Variants in SLC10A7 observed in about 807,000 individuals in gnomAD.
SLC10A7 encodes the protein solute carrier family 10 member 7.
SLC10A7 carries 29 observed loss-of-function variants against 43.2 expected under a neutral mutation model. The ratio of observed to expected loss-of-function variants is 0.67; its 90% confidence interval spans 0.50 to 0.92. The LOEUF is 0.92. SLC10A7 is among the 40% of genes least tolerant of loss of function. The probability of loss-of-function intolerance (pLI) is 0.00; values close to 1 mark genes in which losing one functional copy is unlikely to be tolerated. For synonymous variants in SLC10A7, 152 were observed against 144.8 expected, an observed-to-expected ratio of 1.05 and a Z score of -0.35; for missense variants, 295 against 403.2, an observed-to-expected ratio of 0.73 and a Z score of 2.30.
Position 146,510,059 on chromosome 4 carries a change from T to C in SLC10A7, c.184-10A>G. On this transcript the variant is annotated splice_polypyrimidine_tract_variant and intron_variant, in intron 2 of 11. Coordinates refer to ENST00000335472, the MANE Select transcript of SLC10A7 (RefSeq NM_001029998.6). ...AAGCACTGGTCAGCTCCTGGAAAAA[T>C]TAAGGAAACAAAATAAACAAAGGTA... 8.8e-6 allele frequency: 14 copies of C among 1,587,816 alleles called. No individual in the cohort carries two copies. Among genetic ancestry groups the C allele is most frequent in the Non-Finnish European group, 1.2e-5 (14 of 1,171,172 alleles).
chr4:146,261,312 G>A (rs1342752068), intron 10 of SLC10A7, among the ~76,000 whole-genome samples: 1 of 152,202 alleles, frequency 6.6e-6, no homozygotes, highest in Non-Finnish European at 1.5e-5. Context: ...TCATGCCCCT[G>A]AGGGCCACAG....
chr4:146,391,765 C>G (rs1738448729), intron 5 of SLC10A7, among the ~76,000 whole-genome samples: 1 of 152,212 alleles, frequency 6.6e-6, no homozygotes, highest in South Asian at 2.1e-4. Context: ...GTATACTGCA[C>G]TGAGAAGGCT....
intron 11 of SLC10A7, among the ~76,000 whole-genome samples, chr4:146,258,054 G>A (rs1727988955): frequency 6.6e-6 from 1 of 152,186 alleles, no homozygotes; most frequent in Admixed American, 6.5e-5. Context: ...GCTACCACGT[G>A]ATATGCACCA....
At chr4:146,263,175 T>C (rs1456226504) in intron 10 of SLC10A7, among the ~76,000 whole-genome samples, 2 of 152,250 alleles carry the variant, frequency 1.3e-5, no homozygotes, top group African/African-American at 2.4e-5. Context: ...AGTTCTTAGG[T>C]TGCCTCCTCT....
At chr4:146,488,578 T>C (rs1735115490) in intron 4 of SLC10A7, among the ~76,000 whole-genome samples, 1 of 152,230 alleles carries the variant, frequency 6.6e-6, no homozygotes. Context: ...AAAAATGCAC[T>C]ATTAGCCCTT....
At chr4:146,445,012 T>A (rs1730917908) in intron 4 of SLC10A7, among the ~76,000 whole-genome samples, 1 of 152,124 alleles carries the variant, frequency 6.6e-6, no homozygotes, top group Non-Finnish European at 1.5e-5. Context: ...CATGCATGTA[T>A]CTTGACTTAG....
At chr4:146,432,946 G>A (rs989179355) in intron 5 of SLC10A7, among the ~76,000 whole-genome samples, 2 of 151,364 alleles carry the variant, frequency 1.3e-5, no homozygotes, top group African/African-American at 2.4e-5. Context: ...GCTGAGGCAG[G>A]AGAATAGCGT....
chr4:146,467,831 G>A (rs1467113121), intron 4 of SLC10A7, among the ~76,000 whole-genome samples: 4 of 152,072 alleles, frequency 2.6e-5, no homozygotes, highest in Non-Finnish European at 5.9e-5. Context: ...CCAAAGTGCT[G>A]GGATTACAGG....
chr4:146,379,931 A>G (rs1439075072), intron 5 of SLC10A7, among the ~76,000 whole-genome samples: 1 of 147,776 alleles, frequency 6.8e-6, no homozygotes, highest in East Asian at 2.0e-4. Context: ...TGCTTGACAA[A>G]TAATTCTCTC....
At chr4:146,504,773 TAA>T (rs1261991926) in intron 3 of SLC10A7, among the ~76,000 whole-genome samples, 1 of 152,136 alleles carries the variant, frequency 6.6e-6, no homozygotes, top group Admixed American at 6.6e-5. Flanking sequence ...AACATTGTAA[TAA>T]CATTATAGAA....
intron 5 of SLC10A7, among the ~76,000 whole-genome samples, chr4:146,440,983 C>A (rs756826985): frequency 9.2e-5 from 14 of 152,142 alleles, no homozygotes; most frequent in Non-Finnish European, 1.6e-4. Context: ...AATCATATAT[C>A]TCTAGTAACA....
chr4:146,297,251 C>T (rs906754610), intron 7 of SLC10A7, among the ~76,000 whole-genome samples: 2 of 152,018 alleles, frequency 1.3e-5, no homozygotes. Flanking sequence ...TCCATAGAAG[C>T]TTTTTTATTT....
intron 4 of SLC10A7, among the ~76,000 whole-genome samples, chr4:146,502,339 G>A (rs1465632996): frequency 6.6e-6 from 1 of 152,174 alleles, no homozygotes; most frequent in African/African-American, 2.4e-5. Context: ...TTAAAAAATA[G>A]TTTGGTAATT....
chr4:146,427,447 A>G (rs1729455924), intron 5 of SLC10A7, among the ~76,000 whole-genome samples: 1 of 152,172 alleles, frequency 6.6e-6, no homozygotes, highest in Admixed American at 6.5e-5. Context: ...TAAGCTGGAA[A>G]TTTAACCTTT....
At chr4:146,511,624 G>T (rs773928461) in intron 2 of SLC10A7, among the ~76,000 whole-genome samples, 2 of 152,274 alleles carry the variant, frequency 1.3e-5, no homozygotes, top group Middle Eastern at 3.4e-3. Context: ...CTTCCTGTTA[G>T]GTCACAAGAC....
chr4:146,441,388 G>A, intron 5 of SLC10A7, among the ~76,000 whole-genome samples: 1 of 152,096 alleles, frequency 6.6e-6, no homozygotes, highest in South Asian at 2.1e-4. Flanking sequence ...TCTAACAAAG[G>A]AATCGTATAT....
intron 11 of SLC10A7, chr4:146,256,814 A>G (rs1347217434): frequency 9.3e-6 from 14 of 1,510,038 alleles, no homozygotes; most frequent in Non-Finnish European, 1.2e-5. Context: ...CAGAGGAGGC[A>G]CTCATGGATA....
chr4:146,404,816 C>A (rs1221060098), intron 5 of SLC10A7, among the ~76,000 whole-genome samples: 1 of 152,008 alleles, frequency 6.6e-6, no homozygotes, highest in African/African-American at 2.4e-5. Flanking sequence ...AAAAGCACTT[C>A]CCTGATATTT....
At chr4:146,416,609 C>G (rs1159775821) in intron 5 of SLC10A7, among the ~76,000 whole-genome samples, 1 of 152,126 alleles carries the variant, frequency 6.6e-6, no homozygotes, top group African/African-American at 2.4e-5. Flanking sequence ...CTGATAGGTG[C>G]TTTAAAGGAA....
Sources: allele counts gnomAD v4.1 joint callset (sites outside exome capture counted in the v4.1 genomes callset), GRCh38; gene constraint gnomAD v4.1.1; transcripts MANE v1.5; gene names NCBI Gene and HGNC (gene_info 2026-07-23, HGNC 2026-07-21).